The following FHIT variants were observed in gnomAD, a reference collection of about 807,000 sequenced individuals.
FHIT encodes fragile histidine triad diadenosine triphosphatase.
Under a neutral mutation model 17.9 loss-of-function variants are expected in FHIT, and 19 were observed. That is an observed-to-expected ratio of 1.06 (90% confidence interval 0.74 to 1.56). FHIT has a LOEUF of 1.56. Among genes scored for constraint, FHIT ranks in the 40% most tolerant of loss-of-function variants. The pLI is 0.00. For missense variants in FHIT, 248 were observed against 189.2 expected (o/e 1.31, Z -1.82); for synonymous variants, 81 against 69.7 (o/e 1.16, Z -0.81).
chr3:60,703,052 T>C (rs534553369), intron 4 of FHIT, among the ~76,000 whole-genome samples: 1 of 152,272 alleles, frequency 6.6e-6, no homozygotes, highest in Non-Finnish European at 1.5e-5. Flanking sequence ...TTTGTTAGAT[T>C]ACAGTAATTA....
chr3:60,905,223 A>G (rs1706342209), intron 3 of FHIT, among the ~76,000 whole-genome samples: 1 of 152,162 alleles, frequency 6.6e-6, no homozygotes, highest in Non-Finnish European at 1.5e-5. Context: ...AAAAAAGTTG[A>G]TCCAAAAAAA....
rs1434460225 is a variant in FHIT, at chr3:61,135,974, A to G, written c.-164+64643T>C. 4.6e-5 allele frequency among the ~76,000 whole-genome samples: 7 copies of G among 152,286 alleles called. 1 individual carries two copies. The highest frequency in any genetic ancestry group is 4.6e-4 in the Admixed American group (7 of 15,288). ...CAAATCTGATTGAAAACTTGTCTGC[A>G]TCTTTAATTTGGAGGCTCATGATCA... On this transcript the variant is annotated intron_variant, in intron 2 of 9. Coordinates refer to ENST00000492590, the MANE Select transcript of FHIT (RefSeq NM_002012.4).
At chr3:60,676,784 G>A (rs1481834203) in intron 4 of FHIT, among the ~76,000 whole-genome samples, 51 of 152,148 alleles carry the variant, frequency 3.4e-4, no homozygotes, top group Admixed American at 3.3e-3. Flanking sequence ...AAGGAACCAG[G>A]AGGTGCCATT....
At chr3:60,571,798 AAAAGC>A in intron 4 of FHIT, among the ~76,000 whole-genome samples, 1 of 152,200 alleles carries the variant, frequency 6.6e-6, no homozygotes, top group Admixed American at 6.5e-5. Context: ...GAACAGATCC[AAAAGC>A]AAGGTAACAA....
chr3:60,587,514 T>C (rs1003241029), intron 4 of FHIT, among the ~76,000 whole-genome samples: 1 of 149,138 alleles, frequency 6.7e-6, no homozygotes, highest in Non-Finnish European at 1.5e-5. Flanking sequence ...GAACTTAAAA[T>C]AAAATTTAAA....
chr3:59,795,055 G>A (rs1297460153), intron 8 of FHIT, among the ~76,000 whole-genome samples: 5 of 152,076 alleles, frequency 3.3e-5, no homozygotes, highest in African/African-American at 4.8e-5. Context: ...TGTAGCATGG[G>A]GTCTAGCATA....
At chr3:59,923,221 C>CAAAA (rs532237239) in intron 7 of FHIT, among the ~76,000 whole-genome samples, 72 of 67,478 alleles carry the variant, frequency 1.1e-3, no homozygotes, top group African/African-American at 3.1e-3. Flanking sequence ...CGAGACTCCT[C>CAAAA]AAAAAAAAAA....
chr3:60,580,496 C>T (rs939789174), intron 4 of FHIT, among the ~76,000 whole-genome samples: 1 of 152,072 alleles, frequency 6.6e-6, no homozygotes, highest in Non-Finnish European at 1.5e-5. Context: ...CCTATTTCAA[C>T]TTCCATTTTA....
At chr3:60,121,646 T>C (rs1705253971) in intron 5 of FHIT, among the ~76,000 whole-genome samples, 1 of 151,656 alleles carries the variant, frequency 6.6e-6, no homozygotes, top group African/African-American at 2.4e-5. Flanking sequence ...ATCATGCCAT[T>C]GCACTCCAGC....
At chr3:59,918,898 C>G (rs1417182647) in intron 8 of FHIT, among the ~76,000 whole-genome samples, 1 of 152,110 alleles carries the variant, frequency 6.6e-6, no homozygotes, top group Non-Finnish European at 1.5e-5. Context: ...AAGCAAAGCC[C>G]AAGGACCATC....
At chr3:60,125,249 G>A (rs1479006086) in intron 5 of FHIT, among the ~76,000 whole-genome samples, 2 of 152,190 alleles carry the variant, frequency 1.3e-5, no homozygotes, top group East Asian at 1.9e-4. Flanking sequence ...GGACAAGTCT[G>A]TTAACCTCTC....
chr3:60,963,348 C>G (rs1553781825), intron 3 of FHIT, among the ~76,000 whole-genome samples: 1 of 152,132 alleles, frequency 6.6e-6, no homozygotes. Flanking sequence ...TGCTAGTGGT[C>G]TATCAATTTT....
intron 5 of FHIT, among the ~76,000 whole-genome samples, chr3:60,495,067 G>A (rs947252787): frequency 1.3e-5 from 2 of 152,108 alleles, no homozygotes; most frequent in Non-Finnish European, 2.9e-5. Flanking sequence ...CTTAGTGGCT[G>A]TACTAATTTA....
At chr3:60,571,344 A>T (rs1455357481) in intron 4 of FHIT, among the ~76,000 whole-genome samples, 3 of 102,538 alleles carry the variant, frequency 2.9e-5, no homozygotes, top group Non-Finnish European at 4.1e-5. Context: ...GCAAAAAAAA[A>T]AAAAAAAAAA....
At position 59,858,236 on chromosome 3, in the gene FHIT, CTTTTTTTTTTTTTTTT is replaced by C. The variant is rs563841299; in HGVS notation, c.348+64094_348+64109del. ...TGATCTTCCTTCCTTTTCCCACCTTCTTTTTTTTTTTTTTTTTTTTTTTTTGAGATGGAGTGCTGGA... is the reference window on the plus strand; with the variant it reads ...TGATCTTCCTTCCTTTTCCCACCTTCTTTTTTTTTGAGATGGAGTGCTGGA... On this transcript the variant is annotated intron_variant, in intron 8 of 9. Coordinates refer to ENST00000492590, the MANE Select transcript of FHIT (RefSeq NM_002012.4). Among the ~76,000 whole-genome samples the C allele has an allele frequency of 1.5e-4, 13 of 84,496 alleles. No individual in the cohort carries two copies. The East Asian group carries it at 2.2e-3, about 14-fold the overall frequency. 55.4% of individuals were successfully genotyped at this position (84,496 alleles called of 152,430 possible).
chr3:59,903,228 A>G (rs1225518686), intron 8 of FHIT, among the ~76,000 whole-genome samples: 2 of 152,220 alleles, frequency 1.3e-5, no homozygotes, highest in Non-Finnish European at 2.9e-5. Flanking sequence ...TGAAATGTCC[A>G]TAACAGGCAA....
intron 5 of FHIT, among the ~76,000 whole-genome samples, chr3:60,185,664 A>T (rs538512387): frequency 1.0e-3 from 156 of 152,324 alleles, no homozygotes; most frequent in African/African-American, 3.6e-3. Context: ...TTGTATGGTA[A>T]AACTATGTTT....
intron 5 of FHIT, among the ~76,000 whole-genome samples, chr3:60,412,214 G>T (rs79848785): frequency 1.2e-3 from 181 of 152,064 alleles, no homozygotes; most frequent in African/African-American, 4.2e-3. Context: ...CATCTCTAAA[G>T]GTAAGTAGAT....
chr3:60,767,812 C>T lies in FHIT; in HGVS notation c.-18+54107G>A, dbSNP rs1045542677. Among the ~76,000 whole-genome samples the T allele has an allele frequency of 2.0e-5, 3 of 152,300 alleles. No homozygotes were observed. In the East Asian group the frequency reaches 5.8e-4, roughly 29 times the overall value. On this transcript the variant is annotated intron_variant, in intron 4 of 9. Transcript: ENST00000492590. ...AGACAGAATGTTTCAAGATAGGACA[C>T]CAGGTGACTGTGTGGCCTGAGCTGC...
Sources: allele counts gnomAD v4.1 joint callset (sites outside exome capture counted in the v4.1 genomes callset), GRCh38; gene constraint gnomAD v4.1.1; transcripts MANE v1.5; gene names NCBI Gene and HGNC (gene_info 2026-07-23, HGNC 2026-07-21).